ERI1: variants seen among roughly 807,000 people sequenced by gnomAD.
ERI1 encodes 3'-5' exoribonuclease 1.
A neutral mutation model predicts 39.7 loss-of-function variants in ERI1; 39 were observed. The ratio of observed to expected loss-of-function variants is 0.98; its 90% CI spans 0.76 to 1.28. The LOEUF is 1.28. ERI1 is among the 50% of genes most tolerant of loss of function. ERI1 has a pLI of 0.00. For synonymous variants in ERI1, 204 were observed against 149.6 expected (o/e 1.36, Z -2.65); for missense variants, 581 against 416.9 (o/e 1.39, Z -3.43).
chr8:9,003,977 C>A (rs1409528753), intron 1 of ERI1: 1 of 767,346 alleles, frequency 1.3e-6, no homozygotes, highest in Non-Finnish European at 2.0e-6. Flanking sequence ...TTGGCTTATT[C>A]CCCTCCTGAG....
chr8:9,051,722 CT>C (rs1798362636), intron 3 of ERI1, among the ~76,000 whole-genome samples: 1 of 150,232 alleles, frequency 6.7e-6, no homozygotes, highest in South Asian at 2.1e-4. Context: ...AGAACCACTT[CT>C]TTAGTTTTTC....
At chr8:9,059,902 A>G (rs1798635613) in intron 3 of ERI1, among the ~76,000 whole-genome samples, 1 of 152,168 alleles carries the variant, frequency 6.6e-6, no homozygotes, top group Non-Finnish European at 1.5e-5. Flanking sequence ...GCACAGTCCA[A>G]GTTGGTCTGG....
In ERI1 at chr8:9,016,409, A is replaced by G; in HGVS notation, c.582+4A>G. 1.3e-6 allele frequency: 2 copies of G among 1,572,964 alleles called. No homozygotes were observed. The highest frequency in any genetic ancestry group is 1.2e-5 in the South Asian group (1 of 86,240). ...CAGTCTAACTGGAATTACTCAGGTT[A>G]TAATTCTAAGTTCTTCTTTCTAGAG... On this transcript the variant is annotated splice_donor_region_variant and intron_variant, in intron 4 of 6. Coordinates refer to ENST00000250263, the MANE Select transcript of ERI1 (RefSeq NM_153332.4).
chr8:9,070,887 G>A (rs1180086539), intron 3 of ERI1, among the ~76,000 whole-genome samples: 1 of 152,156 alleles, frequency 6.6e-6, no homozygotes, highest in Non-Finnish European at 1.5e-5. Flanking sequence ...TGCAGGGCCG[G>A]GCAGGGAATC....
intron 3 of ERI1, among the ~76,000 whole-genome samples, chr8:9,042,488 G>GT: frequency 6.6e-6 from 1 of 152,248 alleles, no homozygotes; most frequent in East Asian, 1.9e-4. Context: ...GCCTACTCTT[G>GT]TGTCACTCAA....
At chr8:9,041,736 G>T (rs1180071830) in intron 3 of ERI1, among the ~76,000 whole-genome samples, 2 of 152,178 alleles carry the variant, frequency 1.3e-5, no homozygotes, top group Non-Finnish European at 2.9e-5. Context: ...AAAAACTAGA[G>T]AGATTTCTTT....
chr8:9,018,320 C>T lies in ERI1; in HGVS notation c.606C>T (p.Thr202=), dbSNP rs1309836994. The change falls in exon 5 of 7, where the codon ACC becomes ACT. Residue 202 remains threonine (T), a synonymous_variant. Transcript: ENST00000250263. ...AGGATCAGGTAGACAGAGCTGATAC[C>T]TTCCCTCAGGTACTAAAAAAAGTAA... is the stretch of plus-strand genomic sequence containing the variant. The part of the protein sequence containing the change: ...ITQDQVDRAD[T]FPQVLKKVID... 1 of 1,611,300 alleles carries T rather than the reference C, an allele frequency of 6.2e-7. No individual in the cohort carries two copies. Among genetic ancestry groups the T allele is most frequent in the South Asian group, 1.1e-5 (1 of 90,934 alleles).
intron 3 of ERI1, among the ~76,000 whole-genome samples, chr8:9,084,021 C>T (rs907209969): frequency 5.9e-5 from 9 of 152,176 alleles, no homozygotes; most frequent in Non-Finnish European, 1.2e-4. Flanking sequence ...TCTCGATCTC[C>T]TGACCTCATG....
intron 3 of ERI1, chr8:9,099,716 G>A (rs966488611): frequency 1.3e-5 from 2 of 151,666 alleles, no homozygotes; most frequent in Non-Finnish European, 2.9e-5. Context: ...GCATTCCATT[G>A]TATGATACAG....
intron 6 of ERI1, among the ~76,000 whole-genome samples, chr8:9,026,401 G>A (rs1302607494): frequency 1.3e-5 from 2 of 151,970 alleles, no homozygotes; most frequent in Admixed American, 1.3e-4. Flanking sequence ...TCCCCTTCCT[G>A]CCAAACCCTG....
At chr8:9,094,447 C>T (rs1472322177) in intron 3 of ERI1, among the ~76,000 whole-genome samples, 1 of 152,148 alleles carries the variant, frequency 6.6e-6, no homozygotes, top group African/African-American at 2.4e-5. Context: ...ATCCACGTAC[C>T]TCTTTGATGA....
chr8:9,071,950 C>T (rs756987902), intron 3 of ERI1, among the ~76,000 whole-genome samples: 2 of 152,224 alleles, frequency 1.3e-5, no homozygotes, highest in East Asian at 1.9e-4. Context: ...CCTGTAGTCC[C>T]GCCTATTTGG....
At chr8:9,080,519 C>T (rs1301917184) in intron 3 of ERI1, among the ~76,000 whole-genome samples, 2 of 152,382 alleles carry the variant, frequency 1.3e-5, no homozygotes, top group Admixed American at 1.3e-4. Context: ...CCTGACACTT[C>T]TCCAGTTCCT....
intron 3 of ERI1, among the ~76,000 whole-genome samples, chr8:9,054,797 A>G (rs1306097098): frequency 2.0e-5 from 3 of 152,192 alleles, no homozygotes; most frequent in African/African-American, 7.2e-5. Flanking sequence ...CAGTGGCGGC[A>G]GGCACCTGTA....
At position 9,030,070 on chromosome 8, in the gene ERI1, T is replaced by G; in HGVS notation, c.*36T>G. 6.2e-7 allele frequency: 1 copy of G among 1,605,934 alleles called. No homozygotes were observed. Among genetic ancestry groups the G allele is most frequent in the Non-Finnish European group, 8.5e-7 (1 of 1,173,506 alleles). On this transcript the variant is annotated 3_prime_UTR_variant, in exon 7 of 7. Transcript: ENST00000250263. The stretch of plus-strand genomic sequence containing the variant: ...GTGTGTGGATCATTCCAATTGAAGT[T>G]GCTATGAAGAGGTAGCAGATGAATC...
intron 1 of ERI1, among the ~76,000 whole-genome samples, chr8:9,006,280 A>G (rs1816013194): frequency 6.6e-6 from 1 of 152,204 alleles, no homozygotes; most frequent in Non-Finnish European, 1.5e-5. Flanking sequence ...CACTGAAGGA[A>G]GAGAACTAGA....
At chr8:9,037,888 A>AT (rs1199881754), downstream of ERI1, among the ~76,000 whole-genome samples, 1 of 47,632 alleles carries the variant, frequency 2.1e-5, no homozygotes, top group Admixed American at 2.9e-4. Flanking sequence ...TACATTGCTG[A>AT]TTTAAAAAAA....
At chr8:9,073,919 T>C (rs1161825872) in intron 3 of ERI1, among the ~76,000 whole-genome samples, 1 of 152,152 alleles carries the variant, frequency 6.6e-6, no homozygotes, top group Non-Finnish European at 1.5e-5. Context: ...AACATTGTAC[T>C]TTACAAAAAT....
chr8:9,058,526 C>A (rs918039812), intron 3 of ERI1, among the ~76,000 whole-genome samples: 1 of 152,158 alleles, frequency 6.6e-6, no homozygotes, highest in African/African-American at 2.4e-5. Context: ...TTGGTCCATT[C>A]TTTGATGATC....
Sources: allele counts gnomAD v4.1 joint callset (sites outside exome capture counted in the v4.1 genomes callset), GRCh38; gene constraint gnomAD v4.1.1; transcripts MANE v1.5; gene names NCBI Gene and HGNC (gene_info 2026-07-23, HGNC 2026-07-21).